Variants in FOCAD observed in about 807,000 individuals in gnomAD.
FOCAD encodes the protein KIAA1797.
Under a neutral mutation model 225.6 loss-of-function variants are expected in FOCAD, and 198 were observed. That is an observed-to-expected ratio of 0.88 (90% CI 0.78 to 0.99). The LOEUF is 0.99. Ranked by LOEUF, FOCAD falls within the 50% of genes least tolerant of loss-of-function variation. FOCAD has a pLI of 0.00. For synonymous variants in FOCAD, 897 were observed against 755.0 expected (o/e 1.19, Z -3.08); for missense variants, 2,713 against 2,123.6 (o/e 1.28, Z -5.46).
At chr9:20,909,545 A>T (rs1429080322) in intron 22 of FOCAD, among the ~76,000 whole-genome samples, 1 of 152,118 alleles carries the variant, frequency 6.6e-6, no homozygotes, top group Middle Eastern at 3.2e-3. Context: ...TTATTCTGCT[A>T]TTAAGGTGAT....
intron 15 of FOCAD, among the ~76,000 whole-genome samples, chr9:20,845,273 A>G (rs890540201): frequency 2.0e-5 from 3 of 151,962 alleles, no homozygotes; most frequent in African/African-American, 7.2e-5. Flanking sequence ...ATTTACCCAT[A>G]TGTCACTATC....
intron 1 of FOCAD, among the ~76,000 whole-genome samples, chr9:20,700,205 C>T (rs577585925): frequency 6.6e-6 from 1 of 151,668 alleles, no homozygotes; most frequent in South Asian, 2.1e-4. Context: ...AGAGGTGATA[C>T]TGTGGGTTTT....
intron 15 of FOCAD, among the ~76,000 whole-genome samples, chr9:20,835,891 C>A (rs79120762): frequency 6.6e-6 from 1 of 152,010 alleles, no homozygotes; most frequent in Non-Finnish European, 1.5e-5. Context: ...TATGATTGAG[C>A]AATAGATAAG....
chr9:20,940,197 T>A (rs1836502876), intron 28 of FOCAD, among the ~76,000 whole-genome samples: 1 of 151,788 alleles, frequency 6.6e-6, no homozygotes, highest in Admixed American at 6.6e-5. Flanking sequence ...TTCCATCCTC[T>A]CCAAACTTTT....
At chr9:20,912,055 A>T (rs1050503135) in intron 22 of FOCAD, among the ~76,000 whole-genome samples, 2 of 152,134 alleles carry the variant, frequency 1.3e-5, no homozygotes, top group Non-Finnish European at 2.9e-5. Context: ...TGAGAATATG[A>T]AGTAACCAGA....
At chr9:20,658,790 C>T (rs1399615966) in exon 2 of FOCAD, 1 of 154,858 alleles carries the variant, frequency 6.5e-6, no homozygotes, top group Admixed American at 6.5e-5. Context: ...ATTCGGCCAT[C>T]TTTGCTCCTC....
intron 5 of FOCAD, among the ~76,000 whole-genome samples, chr9:20,749,403 A>G (rs1438010294): frequency 6.6e-6 from 1 of 152,194 alleles, no homozygotes; most frequent in East Asian, 1.9e-4. Flanking sequence ...TGTAGGATAT[A>G]TAGAAATTCA....
intron 22 of FOCAD, among the ~76,000 whole-genome samples, chr9:20,908,186 A>G (rs1005839659): frequency 2.6e-5 from 4 of 152,136 alleles, no homozygotes; most frequent in Admixed American, 2.6e-4. Flanking sequence ...TATTAAGGAT[A>G]ATAGGAGAAA....
intron 29 of FOCAD, 138 bp from the exon 30 acceptor site, chr9:20,946,563 A>C: frequency 1.2e-6 from 1 of 835,158 alleles, no homozygotes; most frequent in Non-Finnish European, 1.8e-6. Context: ...GCAGAAAAAC[A>C]GTGCCCAATC....
At chr9:20,985,339 A>G (rs1168552404) in intron 39 of FOCAD, among the ~76,000 whole-genome samples, 1 of 152,176 alleles carries the variant, frequency 6.6e-6, no homozygotes. Flanking sequence ...AGCACTACCA[A>G]TCTCATCAGA....
At chr9:20,722,870 G>T (rs1825895717) in intron 4 of FOCAD, among the ~76,000 whole-genome samples, 2 of 151,984 alleles carry the variant, frequency 1.3e-5, no homozygotes, top group South Asian at 2.1e-4. Flanking sequence ...ATTTTCAAAT[G>T]CCTTAAAAAT....
rs943714125 is a variant in FOCAD, at chr9:20,995,644, A to G, written c.*15A>G. The G allele has an allele frequency of 1.2e-6, 2 of 1,608,998 alleles. No individual in the cohort carries two copies. Among genetic ancestry groups the G allele is most frequent in the Non-Finnish European group, 1.7e-6 (2 of 1,176,348 alleles). ...ATGGTTGGTGAACAGTTTTGCAGTA[A>G]CCAGCAGCATTCTCAGCTGGATGAG... On this transcript the variant is annotated 3_prime_UTR_variant, in exon 44 of 44. Transcript: ENST00000338382.
At chr9:20,907,479 T>G (rs752417904) in intron 22 of FOCAD, among the ~76,000 whole-genome samples, 2 of 152,008 alleles carry the variant, frequency 1.3e-5, no homozygotes, top group Non-Finnish European at 2.9e-5. Flanking sequence ...GCCAGTCTCC[T>G]CCATCCTGCT....
At chr9:20,916,203 C>T (rs1297935048) in intron 23 of FOCAD, among the ~76,000 whole-genome samples, 1 of 152,000 alleles carries the variant, frequency 6.6e-6, no homozygotes, top group Non-Finnish European at 1.5e-5. Flanking sequence ...TGAAAATGAT[C>T]CTTTTAAAAA....
intron 1 of FOCAD, among the ~76,000 whole-genome samples, chr9:20,686,022 C>G (rs1198046755): frequency 1.3e-5 from 2 of 152,160 alleles, no homozygotes; most frequent in Admixed American, 1.3e-4. Context: ...ATGAAACAGT[C>G]TGAGACATAA....
At chr9:20,905,871 C>T (rs185401987) in intron 21 of FOCAD, among the ~76,000 whole-genome samples, 1 of 151,830 alleles carries the variant, frequency 6.6e-6, no homozygotes, top group Non-Finnish European at 1.5e-5. Flanking sequence ...AGGAAAAGTC[C>T]TGTCTTTATA....
At chr9:20,829,776 A>G (rs1446461153) in intron 15 of FOCAD, among the ~76,000 whole-genome samples, 1 of 151,982 alleles carries the variant, frequency 6.6e-6, no homozygotes, top group East Asian at 1.9e-4. Flanking sequence ...CACATGTAAC[A>G]TTTTCTTTGT....
intron 4 of FOCAD, among the ~76,000 whole-genome samples, chr9:20,727,500 A>T (rs1214317745): frequency 1.3e-5 from 2 of 152,256 alleles, no homozygotes; most frequent in African/African-American, 2.4e-5. Flanking sequence ...GCAAAAGCTC[A>T]GTAACATTAC....
intron 2 of FOCAD, among the ~76,000 whole-genome samples, chr9:20,717,470 T>C (rs1455160579): frequency 6.6e-5 from 10 of 152,250 alleles, no homozygotes; most frequent in South Asian, 2.1e-4. Flanking sequence ...TTCTCATTCA[T>C]GTTTTAATGG....
Sources: allele counts gnomAD v4.1 joint callset (sites outside exome capture counted in the v4.1 genomes callset), GRCh38; gene constraint gnomAD v4.1.1; transcripts MANE v1.5; gene names NCBI Gene and HGNC (gene_info 2026-07-23, HGNC 2026-07-21).